Variants in GOLGB1 observed in about 807,000 individuals in gnomAD.
GOLGB1 encodes the protein golgin subfamily B member 1.
In GOLGB1, 174 loss-of-function variants were observed where a neutral mutation model predicts 336.9. The observed-to-expected ratio is 0.52, with a 90% CI of 0.46 to 0.59. The LOEUF (loss-of-function observed/expected upper bound fraction) is 0.59, where lower values mean the gene tolerates loss of function less well. Among genes scored for constraint, GOLGB1 ranks in the 20% least tolerant of loss-of-function variants. The pLI is 0.00. For synonymous variants in GOLGB1, 1,208 were observed against 1,289.2 expected, an observed-to-expected ratio of 0.94 and a Z score of 1.35; for missense variants, 3,331 against 3,645.3, an observed-to-expected ratio of 0.91 and a Z score of 2.22.
intron 1 of GOLGB1, among the ~76,000 whole-genome samples, chr3:121,737,345 AT>A (rs1946542625): frequency 6.6e-6 from 1 of 152,190 alleles, no homozygotes; most frequent in Admixed American, 6.5e-5. Context: ...ATAAAATGTT[AT>A]TTGGCTTTTA....
At chr3:121,682,233 T>G (rs1941163682) in intron 14 of GOLGB1, among the ~76,000 whole-genome samples, 1 of 152,232 alleles carries the variant, frequency 6.6e-6, no homozygotes. Flanking sequence ...ACTAGTCATG[T>G]GTCCTTGTTA....
At chr3:121,675,441 TC>T (rs1940239684) in intron 17 of GOLGB1, among the ~76,000 whole-genome samples, 1 of 152,202 alleles carries the variant, frequency 6.6e-6, no homozygotes, top group Non-Finnish European at 1.5e-5. Context: ...CAAATGTCCT[TC>T]AACAGAATAG....
rs760002154 is a variant in GOLGB1 at position 121,730,035 on chromosome 3, A to G, written c.97-18T>C. 6.3e-7 allele frequency: 1 copy of G among 1,590,506 alleles called. No homozygotes were observed. The highest frequency in any genetic ancestry group is 8.6e-7 in the Non-Finnish European group (1 of 1,165,382). ...TGTAATTCCTAATATTTAGGAAAAAAGTTGCCAGTGCACCAGGAAAAGGTA... is the reference window on the plus strand; with the variant it reads ...TGTAATTCCTAATATTTAGGAAAAAGGTTGCCAGTGCACCAGGAAAAGGTA... On this transcript the variant is annotated intron_variant, in intron 2 of 21. Transcript: ENST00000614479.
intron 20 of GOLGB1, among the ~76,000 whole-genome samples, chr3:121,665,387 C>T (rs1938470988): frequency 6.6e-6 from 1 of 151,342 alleles, no homozygotes; most frequent in Non-Finnish European, 1.5e-5. Context: ...AGCCAGTAAG[C>T]GGCAGAGCCA....
intron 5 of GOLGB1, among the ~76,000 whole-genome samples, chr3:121,726,433 C>CAAAAAAAAAAAAAAAAAAAA (rs10547964): frequency 3.3e-5 from 2 of 61,422 alleles, no homozygotes; most frequent in East Asian, 4.6e-4. Flanking sequence ...CACCCTGTCT[C>CAAAAAAAAAAAAAAAAAAAA]AAAAAAAAAA....
At chr3:121,749,738 ACTCAGC>A (rs1245864265) in exon 1 of GOLGB1, 6 of 152,452 alleles carry the variant, frequency 3.9e-5, no homozygotes, top group African/African-American at 1.2e-4. Flanking sequence ...CCCGCCAGGG[ACTCAGC>A]CACTAGCAGT....
chr3:121,696,074 C>T lies in GOLGB1; in HGVS notation c.4449G>A (p.Lys1483=), dbSNP rs1454678959. The change falls in exon 13 of 22, where the codon AAG becomes AAA. Residue 1483 remains lysine (K), a synonymous_variant. Coordinates refer to ENST00000614479, the MANE Select transcript of GOLGB1 (RefSeq NM_001366282.2). ...PEEIGEESRA[K]QQIQRKLQAA... Reference sequence around the variant, plus strand: ...CTTGCAGTTTCCTTTGTATTTGTTGCTTTGCTCTACTTTCTTCTCCAATCT... The same window carrying T: ...CTTGCAGTTTCCTTTGTATTTGTTGTTTTGCTCTACTTTCTTCTCCAATCT... 2.5e-6 allele frequency: 4 copies of T among 1,613,824 alleles called. No individual in the cohort carries two copies. Among genetic ancestry groups the T allele is most frequent in the Non-Finnish European group, 3.4e-6 (4 of 1,179,954 alleles).
At chr3:121,670,681 C>G (rs9809935) in intron 17 of GOLGB1, among the ~76,000 whole-genome samples, 2,006 of 145,054 alleles carry the variant, frequency 0.014, 40 homozygotes, top group African/African-American at 0.048. Context: ...AAGTCTAGAG[C>G]TCTATCTACT....
intron 5 of GOLGB1, among the ~76,000 whole-genome samples, chr3:121,723,090 A>G (rs1250133610): frequency 2.0e-5 from 3 of 152,186 alleles, no homozygotes; most frequent in African/African-American, 7.2e-5. Context: ...AGGTCTACAA[A>G]CGTATTGTAT....
chr3:121,698,214 T>C lies in GOLGB1; in HGVS notation c.2309A>G (p.Gln770Arg), dbSNP rs1202552852. 6.2e-7 allele frequency: 1 copy of C among 1,613,926 alleles called. No individual in the cohort carries two copies. The highest frequency in any genetic ancestry group is 1.3e-5 in the African/African-American group (1 of 75,042). The change falls in exon 13 of 22, where the codon CAG (glutamine) becomes CGG (arginine). Residue 770 changes from glutamine to arginine, a missense_variant. Coordinates refer to ENST00000614479, the MANE Select transcript of GOLGB1 (RefSeq NM_001366282.2). ...ELSMVTELRA[Q>R]VKQLEMNLAE... ...AAGGTTCATTTCCAGTTGCTTTACCTGAGCCCTCAATTCTGTTACCATGCT... is the reference window on the plus strand; with the variant it reads ...AAGGTTCATTTCCAGTTGCTTTACCCGAGCCCTCAATTCTGTTACCATGCT...
chr3:121,696,566 T>C lies in GOLGB1; in HGVS notation c.3957A>G (p.Ile1319Met). The change falls in exon 13 of 22, where the codon ATA (isoleucine) becomes ATG (methionine). Residue 1319 changes from isoleucine (I) to methionine (M), a missense_variant. Transcript: ENST00000614479. ...ATTCTAACTCTACTTTCTCAGCCTC[T>C]ATTTCCTTCAGCTGGGCCTTAATCT... is the stretch of plus-strand genomic sequence containing the variant. ...VAQIKAQLKE[I>M]EAEKVELELK... is the part of the protein sequence containing the mutation. The C allele has an allele frequency of 6.2e-7, 1 of 1,614,196 alleles. No individual in the cohort carries two copies. The highest frequency in any genetic ancestry group is 8.5e-7 in the Non-Finnish European group (1 of 1,180,012).
intron 14 of GOLGB1, among the ~76,000 whole-genome samples, chr3:121,685,118 T>A (rs1238115619): frequency 6.6e-6 from 1 of 151,982 alleles, no homozygotes; most frequent in Admixed American, 6.5e-5. Flanking sequence ...CTCAGGAAAA[T>A]AAAAGTAACA....
In GOLGB1 at chr3:121,664,483, T is replaced by C. The variant is rs768771790; in HGVS notation, c.9792A>G (p.Leu3264=). The C allele has an allele frequency of 4.3e-6, 7 of 1,613,690 alleles. No individual in the cohort carries two copies. Among genetic ancestry groups the C allele is most frequent in the South Asian group, 2.2e-5 (2 of 91,062 alleles). The change falls in exon 22 of 22, where the codon CTA becomes CTG. Residue 3264 remains leucine, a synonymous_variant. Coordinates refer to ENST00000614479, the MANE Select transcript of GOLGB1 (RefSeq NM_001366282.2). ...GTCCAAAGAGTAACAACTAAGTCTA[T>C]AGATGGCCCGTAAAACACAGAATGA... The part of the protein sequence containing the change: ...VLLILCFTGH[L]
At chr3:121,729,564 C>T (rs1945925318) in intron 3 of GOLGB1, among the ~76,000 whole-genome samples, 1 of 152,040 alleles carries the variant, frequency 6.6e-6, no homozygotes, top group Non-Finnish European at 1.5e-5. Context: ...GTGCCCAATA[C>T]CATGCCCAGC....
In GOLGB1 at chr3:121,729,901, C is replaced by G; in HGVS notation, c.213G>C (p.Lys71Asn). 1 of 1,612,344 alleles carries G rather than the reference C, an allele frequency of 6.2e-7. No homozygotes were observed. Among genetic ancestry groups the G allele is most frequent in the Non-Finnish European group, 8.5e-7 (1 of 1,178,632 alleles). The change falls in exon 3 of 22, where the codon AAG becomes AAC. Residue 71 changes from lysine (K) to asparagine (N), a missense_variant. Lys to Asn is a moderately conservative substitution (Grantham distance 94). Transcript: ENST00000614479. ...VVELKDIIRQ[K>N]DVQLQQKDEA... is the part of the protein sequence containing the mutation. Reference sequence around the variant, plus strand: ...CATCTTTCTGCTGCAGTTGAACATCCTTCTGTCTAATAATATCTTTTAGCT... The same window carrying G: ...CATCTTTCTGCTGCAGTTGAACATCGTTCTGTCTAATAATATCTTTTAGCT...
chr3:121,700,996 C>T (rs757564020), intron 11 of GOLGB1, among the ~76,000 whole-genome samples: 1 of 152,146 alleles, frequency 6.6e-6, no homozygotes, highest in Non-Finnish European at 1.5e-5. Context: ...TGGAATAGTG[C>T]CTGGCACATA....
At chr3:121,676,115 C>A (rs2107624468) in intron 17 of GOLGB1, among the ~76,000 whole-genome samples, 1 of 152,362 alleles carries the variant, frequency 6.6e-6, no homozygotes, top group East Asian at 1.9e-4. Flanking sequence ...TGTCTCCTCT[C>A]TGATACTTCA....
chr3:121,692,252 G>C lies in GOLGB1; in HGVS notation c.7112C>G (p.Ser2371Cys), dbSNP rs919070773. Reference protein sequence around the residue: ...YEQLETDLQASRELTSRLHEE... With the variant: ...YEQLETDLQACRELTSRLHEE... ...ATGCAGCCTACTGGTCAGTTCTCTG[G>C]AGGCCTGAAGATCAGTCTCCAGTTG... is the stretch of plus-strand genomic sequence containing the variant. Residue 2371 changes from serine (S) to cysteine (C), a missense_variant, in exon 14 of 22, where the codon TCC becomes TGC. Ser to Cys is a moderately radical substitution (Grantham distance 112, BLOSUM62 -1). Coordinates refer to ENST00000614479, the MANE Select transcript of GOLGB1 (RefSeq NM_001366282.2). The C allele has an allele frequency of 6.2e-7, 1 of 1,603,374 alleles. No individual in the cohort carries two copies. The highest frequency in any genetic ancestry group is 2.2e-5 in the East Asian group (1 of 44,856).
rs763934475 is a variant in GOLGB1 at position 121,695,607 on chromosome 3, T to G, written c.4916A>C (p.His1639Pro). The G allele has an allele frequency of 1.2e-6, 2 of 1,614,070 alleles. No individual in the cohort carries two copies. Among genetic ancestry groups the G allele is most frequent in the South Asian group, 1.1e-5 (1 of 91,086 alleles). ...NVSNEAERIQ[H>P]VVEAVRQEKQ... ...CTCTTGCCTCACAGCTTCCACCACA[T>G]GCTGAATCCTTTCTGCTTCATTACT... Residue 1639 changes from histidine (H) to proline (P), a missense_variant, in exon 13 of 22, where the codon CAT becomes CCT. By Grantham distance (77) the His-to-Pro change is moderately conservative (BLOSUM62 -2). Coordinates refer to ENST00000614479, the MANE Select transcript of GOLGB1 (RefSeq NM_001366282.2).
Sources: gnomAD v4.1 joint callset for allele counts (sites outside exome capture counted in the v4.1 genomes callset) on GRCh38, gnomAD v4.1.1 for gene constraint, MANE v1.5 for transcripts, NCBI Gene and HGNC (gene_info 2026-07-23, HGNC 2026-07-21) for gene names.